ZNF587B: variants seen among roughly 807,000 people sequenced by gnomAD.
The protein encoded by ZNF587B is zinc finger protein 587B.
ZNF587B carries 6 observed loss-of-function variants against 7.2 expected under a neutral mutation model. The observed-to-expected ratio is 0.83, with a 90% confidence interval of 0.46 to 1.65. ZNF587B has a LOEUF of 1.65. Among genes scored for constraint, ZNF587B ranks in the 40% most tolerant of loss-of-function variants. The pLI, the probability that ZNF587B is intolerant of heterozygous loss-of-function variation, is 0.01. For missense variants in ZNF587B, 749 were observed against 761.0 expected, an observed-to-expected ratio of 0.98 and a Z score of 0.19; for synonymous variants, 274 against 254.3, an observed-to-expected ratio of 1.08 and a Z score of -0.74.
chr19:57,843,063 G>A lies in ZNF587B; in HGVS notation c.*487G>A, dbSNP rs1468150404. 1.3e-5 allele frequency: 11 copies of A among 822,724 alleles called. No homozygotes were observed. The highest frequency in any genetic ancestry group is 1.6e-5 in the Non-Finnish European group (11 of 681,642). The allele number at this position is 822,724 out of a possible 1,614,324, so 51.0% of individuals were successfully genotyped here. ...CATGCTGGTGTGCAGTGCTGCGATC[G>A]TAGCTCACTGCATCCTCCGCCCCCT... On this transcript the variant is annotated 3_prime_UTR_variant, in exon 3 of 3. Coordinates refer to ENST00000594901, the MANE Select transcript of ZNF587B (RefSeq NM_001376223.1).
Position 57,843,269 on chromosome 19 carries a change from G to C in ZNF587B, c.*693G>C. 1 of 984,496 alleles carries C rather than the reference G, an allele frequency of 1.0e-6. No homozygotes were observed. Among genetic ancestry groups the C allele is most frequent in the Non-Finnish European group, 1.2e-6 (1 of 829,114 alleles). 61.0% of individuals were successfully genotyped at this position (984,496 alleles called of 1,614,324 possible). ...AGCCTCCCAAAGTGCTGAGATTGTA[G>C]GTTTGAGTCACTGTGCTCAGCCAAT... On this transcript the variant is annotated 3_prime_UTR_variant, in exon 3 of 3. Coordinates refer to ENST00000594901, the MANE Select transcript of ZNF587B (RefSeq NM_001376223.1).
chr19:57,841,961 G>A lies in ZNF587B; in HGVS notation c.1287G>A (p.Gln429=), dbSNP rs746894230. The A allele has an allele frequency of 6.2e-5, 100 of 1,611,558 alleles. No individual in the cohort carries two copies. The highest frequency in any genetic ancestry group is 8.2e-5 in the Non-Finnish European group (97 of 1,178,838). Reference sequence around the variant, plus strand: ...AAAAAGGACACCTTAGGAGTCATCAGCGAGTTCACACTACAGAAAGACCTT... The same window carrying A: ...AAAAAGGACACCTTAGGAGTCATCAACGAGTTCACACTACAGAAAGACCTT... ...FNEKGHLRSH[Q]RVHTTERPYK... Residue 429 remains glutamine, a synonymous_variant, in exon 3 of 3, where the codon CAG becomes CAA. Coordinates refer to ENST00000594901, the MANE Select transcript of ZNF587B (RefSeq NM_001376223.1).
intron 1 of ZNF587B, among the ~76,000 whole-genome samples, chr19:57,831,253 T>C (rs568126754): frequency 3.3e-5 from 5 of 151,986 alleles, no homozygotes; most frequent in Admixed American, 1.3e-4. Flanking sequence ...TGGAAACAAG[T>C]CTAGGTGATT....
rs1456442977 is a variant in ZNF587B, at chr19:57,845,925, A to G, written c.*3349A>G. 6.6e-6 allele frequency: 1 copy of G among 152,186 alleles called. No homozygotes were observed. The highest frequency in any genetic ancestry group is 1.5e-5 in the Non-Finnish European group (1 of 68,032). 9.4% of individuals were successfully genotyped at this position (152,186 alleles called of 1,614,324 possible). ...AGAAGTTGCAGTGAGCTAAGATTGC[A>G]ACGCTGCAGTCCAGCCTGGGTGATA... On this transcript the variant is annotated 3_prime_UTR_variant, in exon 3 of 3. Transcript: ENST00000594901.
In ZNF587B at chr19:57,845,366, TC is replaced by T. The variant is rs1443893556; in HGVS notation, c.*2792del. On this transcript the variant is annotated 3_prime_UTR_variant, in exon 3 of 3. Coordinates refer to ENST00000594901, the MANE Select transcript of ZNF587B (RefSeq NM_001376223.1). ...AGCAGATACAGAAATTCTCAAGACTTCCATAATAATGAATGTTGTGTAGCTA... is the reference window on the plus strand; with the variant it reads ...AGCAGATACAGAAATTCTCAAGACTTCATAATAATGAATGTTGTGTAGCTA... 1 of 152,200 alleles carries T rather than the reference TC, an allele frequency of 6.6e-6. No individual in the cohort carries two copies. The highest frequency in any genetic ancestry group is 1.5e-5 in the Non-Finnish European group (1 of 68,036). The allele number at this position is 152,200 out of a possible 1,614,324, so 9.4% of individuals were successfully genotyped here.
intron 1 of ZNF587B, among the ~76,000 whole-genome samples, chr19:57,837,958 G>A (rs1330953787): frequency 6.6e-6 from 1 of 152,070 alleles, no homozygotes; most frequent in Non-Finnish European, 1.5e-5. Flanking sequence ...TACCAAAAAT[G>A]TAACCCTAGG....
At chr19:57,837,574 A>G (rs139960839) in intron 1 of ZNF587B, among the ~76,000 whole-genome samples, 1,717 of 151,698 alleles carry the variant, frequency 0.011, 26 homozygotes, top group African/African-American at 0.039. Context: ...TCAGCCTCCC[A>G]AGTATCTGGG....
chr19:57,841,772 G>A lies in ZNF587B; in HGVS notation c.1098G>A (p.Lys366=), dbSNP rs751298142. 2 of 1,609,206 alleles carry A rather than the reference G, an allele frequency of 1.2e-6. No individual in the cohort carries two copies. Among genetic ancestry groups the A allele is most frequent in the Non-Finnish European group, 1.7e-6 (2 of 1,177,930 alleles). ...CGECEKSFSR[K]PSLSYHQRIH... ...AATGTGAGAAATCTTTTAGTCGGAA[G>A]CCCAGCCTTAGTTACCATCAGCGCA... is the stretch of plus-strand genomic sequence containing the variant. The change falls in exon 3 of 3, where the codon AAG becomes AAA. Residue 366 remains lysine, a synonymous_variant. Transcript: ENST00000594901.
chr19:57,830,314 T>C lies in ZNF587B; in HGVS notation c.-215T>C, dbSNP rs575847574. ...CGGCCATTTTGATTGGTGTTGGGTT[T>C]ATTTGTCGGAGAGGCTCCTGAGCGC... On this transcript the variant is annotated 5_prime_UTR_variant, in exon 1 of 3. Transcript: ENST00000594901. 2 of 527,354 alleles carry C rather than the reference T, an allele frequency of 3.8e-6. No individual in the cohort carries two copies. The highest frequency in any genetic ancestry group is 6.8e-6 in the Non-Finnish European group (2 of 295,622). The allele number at this position is 527,354 out of a possible 1,614,324, so 32.7% of individuals were successfully genotyped here.
In ZNF587B at chr19:57,845,200, C is replaced by T. The variant is rs1174658990; in HGVS notation, c.*2624C>T. ...GTGTTGCACAGACTGGTCTTGAATT[C>T]AACTCTTGAGCTCAGGTGATCTGCT... On this transcript the variant is annotated 3_prime_UTR_variant, in exon 3 of 3. Transcript: ENST00000594901. The T allele has an allele frequency of 6.6e-6, 1 of 152,128 alleles. No individual in the cohort carries two copies. Among genetic ancestry groups the T allele is most frequent in the Non-Finnish European group, 1.5e-5 (1 of 68,046 alleles). The allele number at this position is 152,128 out of a possible 1,614,324, so 9.4% of individuals were successfully genotyped here. A position where few individuals can be genotyped will look rare whatever the true frequency, so the allele number is the denominator to read the frequency against.
rs1325139957 is a variant in ZNF587B at position 57,846,052 on chromosome 19, C to T, written c.*3476C>T. The T allele has an allele frequency of 3.3e-5, 5 of 152,168 alleles. No homozygotes were observed. Among genetic ancestry groups the T allele is most frequent in the Admixed American group, 6.5e-5 (1 of 15,274 alleles). The allele number at this position is 152,168 out of a possible 1,614,324, so 9.4% of individuals were successfully genotyped here. On this transcript the variant is annotated 3_prime_UTR_variant, in exon 3 of 3. Transcript: ENST00000594901. Reference sequence around the variant, plus strand: ...TAAGTCTTGAATTTTATTATAATCCCGTGAAACCATCATCAGAGTCACCAT... The same window carrying T: ...TAAGTCTTGAATTTTATTATAATCCTGTGAAACCATCATCAGAGTCACCAT...
At chr19:57,832,489 T>C (rs1161066265) in intron 1 of ZNF587B, among the ~76,000 whole-genome samples, 3 of 152,278 alleles carry the variant, frequency 2.0e-5, no homozygotes, top group Non-Finnish European at 4.4e-5. Flanking sequence ...TCAAAATAGC[T>C]ATCTTGAATT....
At chr19:57,835,668 G>A (rs1568498122) in intron 1 of ZNF587B, among the ~76,000 whole-genome samples, 1 of 143,216 alleles carries the variant, frequency 7.0e-6, no homozygotes, top group South Asian at 2.3e-4. Flanking sequence ...GGCAACCCTA[G>A]GGGTTTTGGC....
chr19:57,840,111 A>T (rs1458284196), intron 2 of ZNF587B, among the ~76,000 whole-genome samples: 1 of 137,502 alleles, frequency 7.3e-6, no homozygotes, highest in Non-Finnish European at 1.5e-5. Flanking sequence ...AAAAAAAAAA[A>T]AGCAGCACCC....
rs1438415030 is a variant in ZNF587B at position 57,839,142 on chromosome 19, C to G, written c.156C>G (p.Ser52=). 5.0e-6 allele frequency: 8 copies of G among 1,614,038 alleles called. No individual in the cohort carries two copies. The highest frequency in any genetic ancestry group is 1.3e-5 in the African/African-American group (1 of 74,922). Residue 52 remains serine, a synonymous_variant, in exon 2 of 3, where the codon TCC becomes TCG. Transcript: ENST00000594901. ...CTCTGGAGAACCTGGCACTTATGTC[C>G]TCCCTGGGTAAGTTGCTCACACTCA... ...DVTLENLALM[S]SLGCWCGVED...
rs1600100996 is a variant in ZNF587B at position 57,831,192 on chromosome 19, G to A, written c.36+628G>A. Among the ~76,000 whole-genome samples the A allele has an allele frequency of 3.3e-5, 5 of 152,274 alleles. No homozygotes were observed. In the East Asian group the frequency reaches 9.6e-4, roughly 29 times the overall value. On this transcript the variant is annotated intron_variant, in intron 1 of 2. Transcript: ENST00000594901. ...TGAGGAAGGGGCTGCCAGTGAAAGAGCCAAGATGGAGTCTGTCTGGCTCTC... is the reference window on the plus strand; with the variant it reads ...TGAGGAAGGGGCTGCCAGTGAAAGAACCAAGATGGAGTCTGTCTGGCTCTC...
At chr19:57,831,517 C>T (rs897949913) in intron 1 of ZNF587B, among the ~76,000 whole-genome samples, 2 of 151,966 alleles carry the variant, frequency 1.3e-5, no homozygotes, top group Admixed American at 6.6e-5. Flanking sequence ...CTCAGCCTCC[C>T]GAGTAGGTGT....
intron 1 of ZNF587B, among the ~76,000 whole-genome samples, chr19:57,836,923 AC>A (rs1222243288): frequency 1.5e-5 from 2 of 132,370 alleles, no homozygotes; most frequent in Non-Finnish European, 3.1e-5. Context: ...AGATTGCACC[AC>A]CCCGCTCCAG....
intron 1 of ZNF587B, among the ~76,000 whole-genome samples, chr19:57,832,027 T>C (rs1251988554): frequency 6.6e-6 from 1 of 152,046 alleles, no homozygotes; most frequent in Non-Finnish European, 1.5e-5. Context: ...TTTATTTGTT[T>C]ACTAAACAAA....
Sources: gnomAD v4.1 joint callset for allele counts (sites outside exome capture counted in the v4.1 genomes callset) on GRCh38, gnomAD v4.1.1 for gene constraint, MANE v1.5 for transcripts, NCBI Gene and HGNC (gene_info 2026-07-23, HGNC 2026-07-21) for gene names.